The following JAZF1 variants were observed in gnomAD, a reference collection of about 807,000 sequenced individuals.
JAZF1 encodes JAZF zinc finger 1.
In JAZF1, 8 loss-of-function variants were observed where a neutral mutation model predicts 26.4. That is an observed-to-expected ratio of 0.30 (90% confidence interval 0.18 to 0.55). JAZF1 has a LOEUF of 0.55. JAZF1 is among the 20% of genes least tolerant of loss of function. The pLI is 0.94. For synonymous variants in JAZF1, 126 were observed against 122.3 expected (o/e 1.03, Z -0.20); for missense variants, 199 against 322.0 (o/e 0.62, Z 2.92).
intron 2 of JAZF1, among the ~76,000 whole-genome samples, chr7:27,925,552 G>T (rs1164226315): frequency 2.0e-5 from 3 of 152,112 alleles, no homozygotes; most frequent in African/African-American, 7.2e-5. Flanking sequence ...CTCACAAGTA[G>T]CTGGGACTAC....
In JAZF1 at chr7:28,092,290, C is replaced by CCAAAAAAAAAAAAAA. The variant is rs1784310777; in HGVS notation, c.115+88172_115+88173insTTTTTTTTTTTTTTG. Among the ~76,000 whole-genome samples, 17 of 12,802 alleles carry CCAAAAAAAAAAAAAA rather than the reference C, an allele frequency of 1.3e-3. 2 individuals carry two copies. The highest frequency in any genetic ancestry group is 3.7e-3 in the African/African-American group (17 of 4,646). The allele number at this position is 12,802 out of a possible 152,430, so 8.4% of individuals were successfully genotyped here. ...AACATCCCATTTCAGGGACAAAAGG[C>CCAAAAAAAAAAAAAA]AAAAAAAAAAAAAAAAAAAAAAAAA... On this transcript the variant is annotated intron_variant, in intron 1 of 4. Coordinates refer to ENST00000283928, the MANE Select transcript of JAZF1 (RefSeq NM_175061.4).
chr7:28,071,922 C>T (rs183472786), intron 1 of JAZF1, among the ~76,000 whole-genome samples: 1 of 152,296 alleles, frequency 6.6e-6, no homozygotes, highest in African/African-American at 2.4e-5. Flanking sequence ...TACAAAAGAG[C>T]TCATTTTAAC....
intron 4 of JAZF1, among the ~76,000 whole-genome samples, chr7:27,833,722 T>TA (rs1289817865): frequency 3.3e-5 from 5 of 152,256 alleles, no homozygotes; most frequent in African/African-American, 9.6e-5. Context: ...ATCTGGATAC[T>TA]AAAGTTATCA....
chr7:28,056,139 G>C (rs1350090045), intron 1 of JAZF1, among the ~76,000 whole-genome samples: 7 of 151,858 alleles, frequency 4.6e-5, no homozygotes, highest in Non-Finnish European at 8.8e-5. Context: ...TATCTAGTGA[G>C]TGACTGAAGA....
chr7:27,981,363 A>C (rs1785581223), intron 2 of JAZF1, among the ~76,000 whole-genome samples: 1 of 152,202 alleles, frequency 6.6e-6, no homozygotes, highest in Non-Finnish European at 1.5e-5. Flanking sequence ...CTATCTCTTC[A>C]ACAAGTTATT....
At chr7:27,890,887 T>C (rs1389146595) in intron 3 of JAZF1, among the ~76,000 whole-genome samples, 1 of 150,832 alleles carries the variant, frequency 6.6e-6, no homozygotes, top group Non-Finnish European at 1.5e-5. Flanking sequence ...CCTCCCAGGT[T>C]CAAGCAATTC....
rs1448801786 is a variant in JAZF1, at chr7:27,840,731, G to A, written c.522C>T (p.Ala174=). The A allele has an allele frequency of 1.9e-6, 3 of 1,614,198 alleles. No individual in the cohort carries two copies. Among genetic ancestry groups the A allele is most frequent in the Non-Finnish European group, 1.7e-6 (2 of 1,180,042 alleles). The stretch of plus-strand genomic sequence containing the variant: ...TCTTTTTACATCCAGGAACTGGGCA[G>A]GCAAAAGGCTTCTCTTCCCCTCCAT... ...CMNGGEEKPF[A]CPVPGCKKRY... is the part of the protein sequence containing the mutation. Residue 174 remains alanine, a synonymous_variant, in exon 4 of 5, where the codon GCC becomes GCT. Coordinates refer to ENST00000283928, the MANE Select transcript of JAZF1 (RefSeq NM_175061.4). This position sits in a 1 kb window ranked among gnomAD's most constrained non-coding sequence, Gnocchi z 5.1.
chr7:27,998,836 C>T (rs929676710), intron 1 of JAZF1, among the ~76,000 whole-genome samples: 15 of 152,292 alleles, frequency 9.8e-5, no homozygotes, highest in Middle Eastern at 6.8e-3. Flanking sequence ...CTAGATCAGC[C>T]GGCTGCTGCA....
At chr7:27,981,088 C>T (rs1785575002) in intron 2 of JAZF1, among the ~76,000 whole-genome samples, 1 of 152,192 alleles carries the variant, frequency 6.6e-6, no homozygotes, top group African/African-American at 2.4e-5. Context: ...TCCACTCAAT[C>T]TTTCTCTTCA....
chr7:27,984,667 A>G (rs1401405699), intron 2 of JAZF1, among the ~76,000 whole-genome samples: 1 of 152,210 alleles, frequency 6.6e-6, no homozygotes, highest in African/African-American at 2.4e-5. Flanking sequence ...TCAGCATCAC[A>G]TTGCACTTAT....
intron 1 of JAZF1, among the ~76,000 whole-genome samples, chr7:28,108,644 G>A (rs1784592756): frequency 6.6e-6 from 1 of 152,118 alleles, no homozygotes; most frequent in Non-Finnish European, 1.5e-5. Flanking sequence ...ACAGTACGAA[G>A]GTGCCTCAAA....
intron 1 of JAZF1, among the ~76,000 whole-genome samples, chr7:28,020,295 A>G (rs557881048): frequency 6.6e-6 from 1 of 152,322 alleles, no homozygotes; most frequent in Non-Finnish European, 1.5e-5. Flanking sequence ...GGACATAAGT[A>G]GGAGTGAGGA....
intron 4 of JAZF1, among the ~76,000 whole-genome samples, chr7:27,837,421 CCA>C (rs1782836065): frequency 1.3e-5 from 2 of 152,206 alleles, no homozygotes; most frequent in Non-Finnish European, 2.9e-5. Flanking sequence ...AGTGGGGAGC[CCA>C]CATTTCCCCG....
At chr7:28,028,191 A>G (rs1379581677) in intron 1 of JAZF1, among the ~76,000 whole-genome samples, 1 of 152,192 alleles carries the variant, frequency 6.6e-6, no homozygotes, top group Non-Finnish European at 1.5e-5. Flanking sequence ...GAAGCACCCA[A>G]GCAGTCATTA....
At position 28,036,314 on chromosome 7, in the gene JAZF1, A is replaced by G. The variant is rs75337158; in HGVS notation, c.116-44333T>C. On this transcript the variant is annotated intron_variant, in intron 1 of 4. Transcript: ENST00000283928. The stretch of plus-strand genomic sequence containing the variant: ...AAACACTGATTAACAAACTACTGAC[A>G]TAGTAACAAACTAAAACCTATCTGA... Among the ~76,000 whole-genome samples the G allele has an allele frequency of 5.2e-3, 794 of 152,366 alleles. 4 individuals carry two copies. Among genetic ancestry groups the G allele is most frequent in the Middle Eastern group, 0.014 (4 of 294 alleles).
chr7:27,994,373 C>A (rs921297494), intron 1 of JAZF1, among the ~76,000 whole-genome samples: 2 of 151,228 alleles, frequency 1.3e-5, no homozygotes, highest in Non-Finnish European at 2.9e-5. Flanking sequence ...GACTTAGGCT[C>A]ACATATCCTC....
chr7:28,051,377 G>A (rs1243830533), intron 1 of JAZF1, among the ~76,000 whole-genome samples: 7 of 151,600 alleles, frequency 4.6e-5, no homozygotes, highest in African/African-American at 1.7e-4. Context: ...ACACCACCAC[G>A]CCTGGCTAAT....
chr7:28,027,085 C>T (rs1783106122), intron 1 of JAZF1, among the ~76,000 whole-genome samples: 1 of 152,192 alleles, frequency 6.6e-6, no homozygotes. Flanking sequence ...TAAATGGTAA[C>T]AGCTGAGCTG....
At chr7:27,850,862 A>T (rs992914935) in intron 3 of JAZF1, among the ~76,000 whole-genome samples, 3 of 151,580 alleles carry the variant, frequency 2.0e-5, no homozygotes, top group Non-Finnish European at 4.4e-5. Context: ...GTTTAATGAT[A>T]AACTTTTACA....
Sources: allele counts gnomAD v4.1 joint callset (sites outside exome capture counted in the v4.1 genomes callset), GRCh38; gene constraint gnomAD v4.1.1; non-coding constraint Gnocchi (gnomAD v3.1); transcripts MANE v1.5; gene names NCBI Gene and HGNC (gene_info 2026-07-23, HGNC 2026-07-21).